The following UVRAG variants were observed in gnomAD, a reference collection of about 807,000 sequenced individuals.
UVRAG encodes the protein UV radiation resistance-associated gene protein.
UVRAG carries 19 observed loss-of-function variants against 78.0 expected under a neutral mutation model. The ratio of observed to expected loss-of-function variants is 0.24; its 90% CI spans 0.17 to 0.36. UVRAG has a LOEUF of 0.36. UVRAG is among the 10% of genes least tolerant of loss of function. The pLI is 1.00. For synonymous variants in UVRAG, 323 were observed against 324.6 expected, an observed-to-expected ratio of 1.00 and a Z score of 0.05; for missense variants, 740 against 853.8, an observed-to-expected ratio of 0.87 and a Z score of 1.66.
At chr11:75,996,648 C>G (rs796828787) in intron 8 of UVRAG, among the ~76,000 whole-genome samples, 6 of 152,184 alleles carry the variant, frequency 3.9e-5, no homozygotes, top group African/African-American at 1.2e-4. Context: ...GTGAGCAATT[C>G]CAGTAAAGCT....
intron 5 of UVRAG, among the ~76,000 whole-genome samples, chr11:75,902,785 T>A (rs1324396321): frequency 6.6e-6 from 1 of 152,136 alleles, no homozygotes; most frequent in Non-Finnish European, 1.5e-5. Context: ...ATTGACATAA[T>A]CCAAGCTCAG....
chr11:75,958,614 A>G (rs1948849966), intron 6 of UVRAG, among the ~76,000 whole-genome samples: 1 of 152,130 alleles, frequency 6.6e-6, no homozygotes. Context: ...GAACCCCTCA[A>G]AGTCATCCAT....
chr11:75,892,497 C>A, intron 5 of UVRAG: 1 of 783,632 alleles, frequency 1.3e-6, no homozygotes, highest in Non-Finnish European at 1.5e-6. Context: ...TTAAACCTCA[C>A]ACTTGGCCTT....
At position 75,943,242 on chromosome 11, in the gene UVRAG, C is replaced by T. The variant is rs868781309; in HGVS notation, c.594-18202C>T. On this transcript the variant is annotated intron_variant, in intron 6 of 14. Transcript: ENST00000356136. ...GTAGTTATCGATCTATTCAGGTTTT[C>T]AACCTCTTATTGAGACAATTTGGTA... Among the ~76,000 whole-genome samples, 4 of 150,870 alleles carry T rather than the reference C, an allele frequency of 2.7e-5. No homozygotes were observed. The Middle Eastern group carries it at 0.01, about 393-fold the overall frequency.
intron 6 of UVRAG, chr11:75,934,932 A>G (rs1948335453): frequency 6.6e-6 from 1 of 152,240 alleles, no homozygotes; most frequent in Non-Finnish European, 1.5e-5. Context: ...GAAGAAAGGC[A>G]GTCTGTGCAT....
intron 12 of UVRAG, among the ~76,000 whole-genome samples, chr11:76,045,738 GA>G (rs1452386601): frequency 6.3e-5 from 9 of 143,826 alleles, no homozygotes; most frequent in Non-Finnish European, 1.1e-4. Context: ...AGATAAGAAA[GA>G]AAAGATAAGA....
chr11:75,935,180 T>A (rs776721926), intron 6 of UVRAG: 6 of 152,224 alleles, frequency 3.9e-5, no homozygotes, highest in Non-Finnish European at 8.8e-5. Context: ...GGGAAGTAAG[T>A]AGTCATTGAG....
chr11:76,045,374 T>C (rs1950730799), intron 12 of UVRAG, among the ~76,000 whole-genome samples: 1 of 152,234 alleles, frequency 6.6e-6, no homozygotes, highest in African/African-American at 2.4e-5. Context: ...TCTTTCAATA[T>C]GTGTGCTCTT....
chr11:75,962,008 C>G (rs533954288), intron 7 of UVRAG, among the ~76,000 whole-genome samples: 1 of 152,226 alleles, frequency 6.6e-6, no homozygotes, highest in East Asian at 1.9e-4. Flanking sequence ...AATAGAAATC[C>G]TAACCCAAAT....
intron 13 of UVRAG, among the ~76,000 whole-genome samples, chr11:76,097,336 C>T (rs542081887): frequency 5.9e-5 from 9 of 152,290 alleles, no homozygotes; most frequent in South Asian, 4.1e-4. Flanking sequence ...GGCCACACCA[C>T]GTGCTGTTTC....
intron 5 of UVRAG, among the ~76,000 whole-genome samples, chr11:75,898,014 G>C (rs1947387043): frequency 6.6e-6 from 1 of 151,162 alleles, no homozygotes; most frequent in Non-Finnish European, 1.5e-5. Context: ...GATTACAGGG[G>C]CCTGCCACCA....
intron 12 of UVRAG, among the ~76,000 whole-genome samples, chr11:76,037,232 T>C (rs986230798): frequency 9.2e-5 from 14 of 152,142 alleles, no homozygotes; most frequent in African/African-American, 3.4e-4. Flanking sequence ...ACAAAACATA[T>C]GCAAGCTGAA....
In UVRAG at chr11:75,896,595, C is replaced by T. The variant is rs115007538; in HGVS notation, c.507+7692C>T. Among the ~76,000 whole-genome samples, 746 of 152,286 alleles carry T rather than the reference C, an allele frequency of 4.9e-3. 4 individuals are homozygous for T. Among genetic ancestry groups the T allele is most frequent in the African/African-American group, 0.016 (681 of 41,552 alleles). ...CTAAATCCTATGATAAGAGGAATTA[C>T]ATCTCTAATGCTTACCATTGTATTA... On this transcript the variant is annotated intron_variant, in intron 5 of 14. Transcript: ENST00000356136.
At chr11:76,044,976 C>T (rs1263028179) in intron 12 of UVRAG, among the ~76,000 whole-genome samples, 1 of 152,074 alleles carries the variant, frequency 6.6e-6, no homozygotes, top group African/African-American at 2.4e-5. Flanking sequence ...CAAGCTGATT[C>T]ATGCTGCAGA....
intron 4 of UVRAG, 47 bp downstream of exon 4, chr11:75,880,087 C>T (rs372465646): frequency 4.4e-6 from 7 of 1,592,026 alleles, no homozygotes; most frequent in African/African-American, 2.7e-5. Flanking sequence ...TCCAAATTAA[C>T]GTGTCTAACC....
At chr11:75,911,306 G>A in intron 5 of UVRAG, 1 of 168,986 alleles carries the variant, frequency 5.9e-6, no homozygotes, top group East Asian at 1.5e-4. Context: ...AGATTCTGCA[G>A]GCTCTTGTGC....
At chr11:76,022,701 C>G (rs117173632) in intron 12 of UVRAG, among the ~76,000 whole-genome samples, 1 of 152,084 alleles carries the variant, frequency 6.6e-6, no homozygotes, top group African/African-American at 2.4e-5. Flanking sequence ...TTGGAGCATG[C>G]CTTTTATGCA....
At chr11:76,095,870 C>CAAAAA (rs747792893) in intron 13 of UVRAG, among the ~76,000 whole-genome samples, 2 of 45,946 alleles carry the variant, frequency 4.4e-5, no homozygotes, top group African/African-American at 1.5e-4. Context: ...GACTCTGTCT[C>CAAAAA]AAAAAAAAAA....
At chr11:75,895,887 T>A (rs1947333632) in intron 5 of UVRAG, among the ~76,000 whole-genome samples, 1 of 152,144 alleles carries the variant, frequency 6.6e-6, no homozygotes. Flanking sequence ...TTTTTTTTCC[T>A]GGCAAAAAAT....
Sources: gnomAD v4.1 joint callset for allele counts (sites outside exome capture counted in the v4.1 genomes callset) on GRCh38, gnomAD v4.1.1 for gene constraint, MANE v1.5 for transcripts, NCBI Gene and HGNC (gene_info 2026-07-23, HGNC 2026-07-21) for gene names.